TBC1D10A: variants seen among roughly 807,000 people sequenced by gnomAD.
TBC1D10A encodes TBC1 domain family member 10A.
In TBC1D10A, 24 loss-of-function variants were observed where a neutral mutation model predicts 52.9. The observed-to-expected ratio is 0.45, with a 90% CI of 0.33 to 0.64. TBC1D10A has a LOEUF of 0.64. Ranked by LOEUF, TBC1D10A falls within the 30% of genes least tolerant of loss-of-function variation. The pLI is 0.02. For synonymous variants in TBC1D10A, 278 were observed against 282.9 expected (o/e 0.98, Z 0.17); for missense variants, 602 against 687.9 (o/e 0.88, Z 1.40).
At chr22:30,304,119 ACTAGGGTG>A (rs922325527) in intron 2 of TBC1D10A, among the ~76,000 whole-genome samples, 14 of 152,214 alleles carry the variant, frequency 9.2e-5, no homozygotes, top group Admixed American at 7.9e-4. Flanking sequence ...CTAACCTCAC[ACTAGGGTG>A]CTGTAAGGAA....
rs1220828821 is a variant in TBC1D10A at position 30,301,393 on chromosome 22, T to A, written c.310-1842A>T. Reference sequence around the variant, plus strand: ...ATGAGAAGAACATCTGGATGTGGGTTTGAATCTAGCGCTGACCTTAAGCCA... The same window carrying A: ...ATGAGAAGAACATCTGGATGTGGGTATGAATCTAGCGCTGACCTTAAGCCA... On this transcript the variant is annotated intron_variant, in intron 2 of 8. Coordinates refer to ENST00000215790, the MANE Select transcript of TBC1D10A (RefSeq NM_031937.3). Among the ~76,000 whole-genome samples, 3 of 152,202 alleles carry A rather than the reference T, an allele frequency of 2.0e-5. No homozygotes were observed. The East Asian group carries it at 5.8e-4, about 29-fold the overall frequency.
intron 1 of TBC1D10A, among the ~76,000 whole-genome samples, chr22:30,321,258 G>A (rs528207582): frequency 6.6e-6 from 1 of 152,324 alleles, no homozygotes; most frequent in South Asian, 2.1e-4. Flanking sequence ...GGGAGGGCCT[G>A]CAGTCTAGAG....
chr22:30,322,138 G>A (rs769694514), intron 1 of TBC1D10A, among the ~76,000 whole-genome samples: 13 of 151,846 alleles, frequency 8.6e-5, no homozygotes, highest in Non-Finnish European at 1.2e-4. Flanking sequence ...AGCCACTACC[G>A]CCTGGCTAAT....
chr22:30,299,509 C>T lies in TBC1D10A; in HGVS notation c.352G>A (p.Gly118Ser), dbSNP rs758561506. The T allele has an allele frequency of 6.2e-7, 1 of 1,614,184 alleles. No individual in the cohort carries two copies. The highest frequency in any genetic ancestry group is 8.5e-7 in the Non-Finnish European group (1 of 1,180,014). Reference protein sequence around the residue: ...CQKGIPPSLRGRAWQYLSGGK... With the variant: ...CQKGIPPSLRSRAWQYLSGGK... ...CCTGACAGGTACTGCCAAGCACGGCCCCGCAGAGAAGGCGGGATGCCCTTT... is the reference window on the plus strand; with the variant it reads ...CCTGACAGGTACTGCCAAGCACGGCTCCGCAGAGAAGGCGGGATGCCCTTT... Residue 118 changes from glycine (G) to serine (S), a missense_variant, in exon 3 of 9, where the codon GGC becomes AGC. Transcript: ENST00000215790.
At position 30,304,531 on chromosome 22, in the gene TBC1D10A, CT is replaced by C; in HGVS notation, c.308del (p.Lys103ArgfsTer27). ...CAATACCTGAGGCCAGGCCCCTCAC[CT>C]TTTTGTGCTTCTTGGCCATCCATTT... ...WDKWMAKKHK[K>X]IRLRCQKGIP... is the part of the protein sequence containing the mutation. On this transcript the variant is annotated frameshift_variant and splice_region_variant, in exon 2 of 9. Transcript: ENST00000215790. LOFTEE classifies it high-confidence loss of function. 6 of 1,614,138 alleles carry C rather than the reference CT, an allele frequency of 3.7e-6. No homozygotes were observed. Among genetic ancestry groups the C allele is most frequent in the Non-Finnish European group, 5.1e-6 (6 of 1,179,982 alleles).
At chr22:30,293,261 T>C (rs1393846670) in intron 8 of TBC1D10A, 2 of 604,060 alleles carry the variant, frequency 3.3e-6, no homozygotes, top group Non-Finnish European at 6.4e-6. Context: ...ATTCTGCCTC[T>C]GTGAGCCTCC....
Position 30,292,811 on chromosome 22 carries a change from T to C in TBC1D10A, c.1091A>G (p.Glu364Gly). Residue 364 changes from glutamate to glycine, a missense_variant, in exon 9 of 9, where the codon GAA becomes GGA. Coordinates refer to ENST00000215790, the MANE Select transcript of TBC1D10A (RefSeq NM_031937.3). ...CCAGCGCCGCAGCTGAATGAGGTGT[T>C]CGCGCTCAATCTGGCGCTCTGTCAC... ...LPVTERQIER[E>G]HLIQLRRWQE... 1 of 1,611,690 alleles carries C rather than the reference T, an allele frequency of 6.2e-7. No homozygotes were observed. The highest frequency in any genetic ancestry group is 8.5e-7 in the Non-Finnish European group (1 of 1,179,940).
intron 1 of TBC1D10A, among the ~76,000 whole-genome samples, chr22:30,322,259 C>T (rs1025638983): frequency 3.3e-5 from 5 of 152,060 alleles, no homozygotes; most frequent in Admixed American, 6.6e-5. Flanking sequence ...GGGATTACGG[C>T]GGTGAACCAC....
intron 6 of TBC1D10A, among the ~76,000 whole-genome samples, 189 bp downstream of exon 6, chr22:30,294,607 A>T (rs1289380249): frequency 6.6e-6 from 1 of 152,224 alleles, no homozygotes; most frequent in Non-Finnish European, 1.5e-5. Flanking sequence ...GCTGAGATGA[A>T]AGTCAGTGTA....
chr22:30,306,799 T>C (rs1276737476), intron 1 of TBC1D10A, among the ~76,000 whole-genome samples: 1 of 152,212 alleles, frequency 6.6e-6, no homozygotes, highest in Non-Finnish European at 1.5e-5. Flanking sequence ...GAGGTCTGGC[T>C]GTACCCAGCA....
At chr22:30,317,721 G>C (rs1244970486) in intron 1 of TBC1D10A, among the ~76,000 whole-genome samples, 1 of 152,174 alleles carries the variant, frequency 6.6e-6, no homozygotes, top group Non-Finnish European at 1.5e-5. Context: ...CTCAGCCTCA[G>C]CCTCTGTAGT....
intron 2 of TBC1D10A, among the ~76,000 whole-genome samples, chr22:30,304,070 C>T (rs182652232): frequency 6.6e-6 from 1 of 152,192 alleles, no homozygotes; most frequent in African/African-American, 2.4e-5. Flanking sequence ...GGGTTCAAAT[C>T]TTGACCAGGT....
At chr22:30,317,965 CAT>C (rs1333987847) in intron 1 of TBC1D10A, among the ~76,000 whole-genome samples, 8 of 152,128 alleles carry the variant, frequency 5.3e-5, no homozygotes, top group Non-Finnish European at 1.2e-4. Flanking sequence ...GCCTAAGTCA[CAT>C]ATTACAAAGG....
chr22:30,303,451 T>A (rs1012370831), intron 2 of TBC1D10A, among the ~76,000 whole-genome samples: 6 of 152,216 alleles, frequency 3.9e-5, no homozygotes, highest in African/African-American at 1.4e-4. Context: ...ACGAAGCACT[T>A]ACCACCACTT....
chr22:30,311,992 C>T (rs7287175), intron 1 of TBC1D10A, among the ~76,000 whole-genome samples: 30,709 of 152,154 alleles, frequency 0.2, 3,367 homozygotes, highest in Middle Eastern at 0.35. Flanking sequence ...AAGGTTTCAC[C>T]GTGTTGCCCA....
intron 1 of TBC1D10A, among the ~76,000 whole-genome samples, chr22:30,311,707 G>C (rs1930429820): frequency 6.6e-6 from 1 of 152,108 alleles, no homozygotes; most frequent in African/African-American, 2.4e-5. Context: ...CTCCCAAAAA[G>C]AAAAACCAAG....
intron 2 of TBC1D10A, among the ~76,000 whole-genome samples, chr22:30,303,256 G>C (rs768050022): frequency 1.8e-4 from 28 of 152,190 alleles, no homozygotes; most frequent in Admixed American, 2.6e-4. Context: ...TACAGCCTGG[G>C]TGACAGAGTG....
intron 1 of TBC1D10A, among the ~76,000 whole-genome samples, chr22:30,324,063 C>T (rs962023964): frequency 1.3e-5 from 2 of 152,124 alleles, no homozygotes; most frequent in African/African-American, 2.4e-5. Context: ...TAGCCTGTGA[C>T]CTGCTTTCTT....
At chr22:30,305,470 TACTC>T (rs1322878807) in intron 1 of TBC1D10A, 3 of 152,276 alleles carry the variant, frequency 2.0e-5, no homozygotes, top group East Asian at 3.8e-4. Flanking sequence ...AGAGGTAAGA[TACTC>T]AGGAAAGGTA....
Sources: gnomAD v4.1 joint callset for allele counts (sites outside exome capture counted in the v4.1 genomes callset) on GRCh38, gnomAD v4.1.1 for gene constraint, MANE v1.5 for transcripts, NCBI Gene and HGNC (gene_info 2026-07-23, HGNC 2026-07-21) for gene names.